The following TAFA2 variants were observed in gnomAD, a reference collection of about 807,000 sequenced individuals.
The protein encoded by TAFA2 is TAFA chemokine like family member 2, also known as chemokine-like protein TAFA-2.
In TAFA2, 7 loss-of-function variants were observed where a neutral mutation model predicts 18.8. The ratio of observed to expected loss-of-function variants is 0.37; its 90% CI spans 0.21 to 0.70. TAFA2 has a LOEUF of 0.70. Ranked by LOEUF, TAFA2 falls within the 30% of genes least tolerant of loss-of-function variation. The pLI is 0.53. For synonymous variants in TAFA2, 60 were observed against 54.2 expected, an observed-to-expected ratio of 1.11 and a Z score of -0.47; for missense variants, 122 against 158.1, an observed-to-expected ratio of 0.77 and a Z score of 1.23.
rs1876806218 is a variant in TAFA2 at position 61,915,974 on chromosome 12, C to T, written c.-1-48548G>A. On this transcript the variant is annotated intron_variant, in intron 1 of 4. Transcript: ENST00000416284. The stretch of plus-strand genomic sequence containing the variant: ...GTGACACATAAAATCAACCATCACA[C>T]CATGTAAATCAAGTCAGAGTTTCCA... Among the ~76,000 whole-genome samples the T allele has an allele frequency of 1.3e-5, 2 of 152,158 alleles. 1 individual carries two copies. Among genetic ancestry groups the T allele is most frequent in the South Asian group, 4.1e-4 (2 of 4,826 alleles).
intron 1 of TAFA2, among the ~76,000 whole-genome samples, chr12:61,929,078 C>T (rs921453627): frequency 1.7e-4 from 26 of 151,582 alleles, no homozygotes; most frequent in Non-Finnish European, 2.9e-4. Flanking sequence ...TGATGGGTGC[C>T]GCAAACCACT....
chr12:61,773,588 C>T (rs753587287), intron 2 of TAFA2, among the ~76,000 whole-genome samples: 5 of 151,682 alleles, frequency 3.3e-5, no homozygotes, highest in Non-Finnish European at 4.4e-5. Context: ...AGAAAGCAAA[C>T]GAAAACATAA....
chr12:61,995,120 ACTTC>A (rs1880141719), intron 1 of TAFA2, among the ~76,000 whole-genome samples: 1 of 152,096 alleles, frequency 6.6e-6, no homozygotes, highest in South Asian at 2.1e-4. Context: ...ATAAAACCCA[ACTTC>A]CTTATAATGT....
At chr12:61,879,380 C>T in intron 1 of TAFA2, 1 of 749,688 alleles carries the variant, frequency 1.3e-6, no homozygotes, top group Non-Finnish European at 2.3e-6. Flanking sequence ...GGGCCTTCAG[C>T]AGCCGCTTCC....
At chr12:62,025,190 G>A (rs1305331258) in intron 1 of TAFA2, among the ~76,000 whole-genome samples, 1 of 152,070 alleles carries the variant, frequency 6.6e-6, no homozygotes, top group East Asian at 1.9e-4. Flanking sequence ...ACTTATAAGT[G>A]GGAGCTAAAC....
At chr12:61,996,593 A>G (rs557522397) in intron 1 of TAFA2, among the ~76,000 whole-genome samples, 34 of 152,308 alleles carry the variant, frequency 2.2e-4, no homozygotes, top group Non-Finnish European at 3.5e-4. Context: ...CTATACACCA[A>G]TTCTCAAAGT....
intron 1 of TAFA2, among the ~76,000 whole-genome samples, chr12:62,220,308 CA>C (rs2062755358): frequency 1.3e-5 from 2 of 151,800 alleles, no homozygotes; most frequent in African/African-American, 2.4e-5. Flanking sequence ...ATATAAAAAA[CA>C]AGACAAAAAA....
intron 1 of TAFA2, among the ~76,000 whole-genome samples, chr12:61,997,102 C>T (rs1304107919): frequency 1.3e-5 from 2 of 151,370 alleles, no homozygotes; most frequent in South Asian, 4.2e-4. Context: ...CAAATAAACA[C>T]ATAAAAAAGT....
intron 2 of TAFA2, among the ~76,000 whole-genome samples, chr12:61,781,935 C>T (rs1423657348): frequency 2.0e-5 from 3 of 151,602 alleles, no homozygotes; most frequent in East Asian, 2.0e-4. Context: ...ATGTCATTCA[C>T]CAATGAATAA....
chr12:62,239,609 G>T (rs775338245), intron 1 of TAFA2, among the ~76,000 whole-genome samples: 13 of 152,116 alleles, frequency 8.5e-5, no homozygotes, highest in Non-Finnish European at 1.6e-4. Context: ...GTTTTCTTGG[G>T]ATGCTCCCTC....
chr12:61,729,414 AT>A (rs1206847708), intron 4 of TAFA2, among the ~76,000 whole-genome samples: 2 of 151,714 alleles, frequency 1.3e-5, no homozygotes, highest in African/African-American at 4.8e-5. Context: ...GGCTCTATTA[AT>A]TTTTTAAATT....
intron 1 of TAFA2, among the ~76,000 whole-genome samples, chr12:62,107,393 C>T (rs1444250): frequency 0.22 from 34,002 of 152,000 alleles, 4,155 homozygotes; most frequent in East Asian, 0.37. Context: ...GGCTTCTACT[C>T]TATTTTTCCA....
At chr12:62,237,176 T>C (rs1289296469) in intron 1 of TAFA2, among the ~76,000 whole-genome samples, 1 of 152,210 alleles carries the variant, frequency 6.6e-6, no homozygotes, top group South Asian at 2.1e-4. Flanking sequence ...CATATTCTAA[T>C]AGCCTGTCTT....
intron 1 of TAFA2, among the ~76,000 whole-genome samples, chr12:62,139,734 C>T (rs2136905467): frequency 6.6e-6 from 1 of 152,180 alleles, no homozygotes; most frequent in South Asian, 2.1e-4. Flanking sequence ...TGGGGAGAGG[C>T]TTTCTTATTA....
At chr12:62,125,703 C>T (rs955352573) in intron 1 of TAFA2, among the ~76,000 whole-genome samples, 1 of 152,022 alleles carries the variant, frequency 6.6e-6, no homozygotes, top group Non-Finnish European at 1.5e-5. Context: ...TGTGAGGAGT[C>T]GCACAACTTA....
intron 1 of TAFA2, among the ~76,000 whole-genome samples, chr12:62,071,314 CG>C (rs1214454811): frequency 2.0e-5 from 3 of 152,168 alleles, no homozygotes; most frequent in Non-Finnish European, 4.4e-5. Context: ...GCACAGGAAG[CG>C]GGGGTGAGAA....
At chr12:62,247,398 C>A (rs1007534919) in intron 1 of TAFA2, among the ~76,000 whole-genome samples, 2 of 152,196 alleles carry the variant, frequency 1.3e-5, no homozygotes, top group Non-Finnish European at 2.9e-5. Flanking sequence ...TACTCTCATT[C>A]AACTTCTCTC....
At chr12:61,799,810 A>G (rs572582905) in intron 2 of TAFA2, among the ~76,000 whole-genome samples, 10 of 152,270 alleles carry the variant, frequency 6.6e-5, no homozygotes, top group Admixed American at 2.6e-4. Context: ...CGACAGAGCA[A>G]GACTCCGTCT....
intron 1 of TAFA2, among the ~76,000 whole-genome samples, chr12:62,229,273 G>T (rs1275979891): frequency 6.6e-6 from 1 of 152,036 alleles, no homozygotes; most frequent in Non-Finnish European, 1.5e-5. Flanking sequence ...AGAGGTAAAA[G>T]TAGGCCTTTT....
Sources: allele counts gnomAD v4.1 joint callset (sites outside exome capture counted in the v4.1 genomes callset), GRCh38; gene constraint gnomAD v4.1.1; transcripts MANE v1.5; gene names NCBI Gene and HGNC (gene_info 2026-07-23, HGNC 2026-07-21).